Variants in GFPT1 observed in about 807,000 individuals in gnomAD.
GFPT1 encodes the protein glutamine--fructose-6-phosphate aminotransferase [isomerizing] 1.
A neutral mutation model predicts 92.0 loss-of-function variants in GFPT1; 40 were observed. The observed-to-expected ratio is 0.43, with a 90% CI of 0.34 to 0.57. The LOEUF is 0.57. GFPT1 is among the 20% of genes least tolerant of loss of function. GFPT1 has a pLI of 0.02. For missense variants in GFPT1, 448 were observed against 869.1 expected, an observed-to-expected ratio of 0.52 and a Z score of 6.09; for synonymous variants, 269 against 280.6, an observed-to-expected ratio of 0.96 and a Z score of 0.41.
chr2:69,365,294 A>G (rs548438601), intron 3 of GFPT1, among the ~76,000 whole-genome samples: 2 of 152,190 alleles, frequency 1.3e-5, no homozygotes, highest in South Asian at 4.1e-4. Context: ...CCTGGCCAAC[A>G]TGGTGAAACC....
chr2:69,370,982 A>G (rs960333736), intron 2 of GFPT1, among the ~76,000 whole-genome samples: 12 of 151,856 alleles, frequency 7.9e-5, no homozygotes, highest in Non-Finnish European at 1.5e-4. Context: ...CCTGGGCGAC[A>G]GAGTGAGATT....
At position 69,319,882 on chromosome 2, in the gene GFPT1, C is replaced by A. The variant is rs1318925490; in HGVS notation, c.*6307G>T. Reference sequence around the variant, plus strand: ...TCAAAACAATTCTACATACAAAGTACAATAGGAAAAAACCAAAAGCCCCCA... The same window carrying A: ...TCAAAACAATTCTACATACAAAGTAAAATAGGAAAAAACCAAAAGCCCCCA... On this transcript the variant is annotated 3_prime_UTR_variant, in exon 20 of 20. Transcript: ENST00000357308. 1 of 152,104 alleles carries A rather than the reference C, an allele frequency of 6.6e-6. No homozygotes were observed. Among genetic ancestry groups the A allele is most frequent in the Non-Finnish European group, 1.5e-5 (1 of 68,006 alleles). 9.4% of individuals were successfully genotyped at this position (152,104 alleles called of 1,614,324 possible).
chr2:69,353,529 G>A (rs1434299046), intron 9 of GFPT1, among the ~76,000 whole-genome samples: 1 of 151,938 alleles, frequency 6.6e-6, no homozygotes, highest in African/African-American at 2.4e-5. Flanking sequence ...GCAAAACCCT[G>A]GCTAAAAATA....
chr2:69,354,617 G>A (rs757404851), intron 7 of GFPT1, 49 bp from the exon 8 acceptor site: 3 of 1,053,594 alleles, frequency 2.8e-6, no homozygotes, highest in Non-Finnish European at 4.5e-6. Flanking sequence ...ATAAATAATG[G>A]ACTAATGACA....
chr2:69,328,565 G>T, intron 17 of GFPT1, 127 bp from the exon 18 acceptor site: 1 of 665,936 alleles, frequency 1.5e-6, no homozygotes, highest in Non-Finnish European at 2.7e-6. Context: ...AAGGACCACT[G>T]ATCTATAAAT....
rs199998548 is a variant in GFPT1, at chr2:69,341,125, AT to A, written c.1203+1026del. On this transcript the variant is annotated intron_variant, in intron 13 of 19. Coordinates refer to ENST00000357308, the MANE Select transcript of GFPT1 (RefSeq NM_001244710.2). ...AGGGAGTTGCCACCACACCCCGATAATTTTTTTTTTTTGGTAGAGACGGGGT... is the reference window on the plus strand; with the variant it reads ...AGGGAGTTGCCACCACACCCCGATAATTTTTTTTTTTGGTAGAGACGGGGT... Among the ~76,000 whole-genome samples, 177 of 144,946 alleles carry A rather than the reference AT, an allele frequency of 1.2e-3. 6 individuals carry two copies. The East Asian group carries it at 0.013, about 11-fold the overall frequency.
At chr2:69,336,354 A>AG (rs1307182624) in intron 15 of GFPT1, among the ~76,000 whole-genome samples, 1 of 147,654 alleles carries the variant, frequency 6.8e-6, no homozygotes, top group African/African-American at 2.5e-5. Context: ...AAAAAAAAAA[A>AG]AAGAAAAAGA....
intron 1 of GFPT1, among the ~76,000 whole-genome samples, chr2:69,380,974 T>C (rs1389181402): frequency 6.6e-6 from 1 of 152,136 alleles, no homozygotes; most frequent in Non-Finnish European, 1.5e-5. Flanking sequence ...TCTTACTTTA[T>C]AGAATTAAAG....
intron 7 of GFPT1, among the ~76,000 whole-genome samples, chr2:69,355,266 T>C (rs1169908950): frequency 1.3e-5 from 2 of 151,974 alleles, no homozygotes; most frequent in Middle Eastern, 3.2e-3. Flanking sequence ...TTTATAGAGA[T>C]GGGATTTTGT....
In GFPT1 at chr2:69,350,167, T is replaced by C; in HGVS notation, c.756A>G (p.Gly252=). Residue 252 remains glycine (G), a synonymous_variant, in exon 10 of 20, where the codon GGA becomes GGG. Coordinates refer to ENST00000357308, the MANE Select transcript of GFPT1 (RefSeq NM_001244710.2). ...TGTCCACACGAGAGAGATTGCAGCT[T>C]CCTTTCTTGTCTTTGCCTAAAGCAT... ...SQGERGKDKK[G]SCNLSRVDST... 4 of 1,612,998 alleles carry C rather than the reference T, an allele frequency of 2.5e-6. No homozygotes were observed. Among genetic ancestry groups the C allele is most frequent in the Non-Finnish European group, 3.4e-6 (4 of 1,179,006 alleles).
rs545831647 is a variant in GFPT1 at position 69,358,541 on chromosome 2, T to C, written c.409-78A>G. ...AAACCTTTTCTACAGAATTGTTCCG[T>C]CAAAATGCCACTAATTTCTAATATT... On this transcript the variant is annotated intron_variant, in intron 5 of 19. Transcript: ENST00000357308. 2.0e-5 allele frequency: 19 copies of C among 973,222 alleles called. No individual in the cohort carries two copies. The South Asian group carries it at 2.7e-4, about 14-fold the overall frequency. 60.3% of individuals were successfully genotyped at this position (973,222 alleles called of 1,614,324 possible).
At chr2:69,334,822 G>A (rs145524748) in intron 15 of GFPT1, 1 of 152,310 alleles carries the variant, frequency 6.6e-6, no homozygotes, top group East Asian at 1.9e-4. Flanking sequence ...TGAGTATGAG[G>A]CTGGAGGGTA....
In GFPT1 at chr2:69,350,170, T is replaced by C; in HGVS notation, c.753A>G (p.Lys251=). ...CCACACGAGAGAGATTGCAGCTTCC[T>C]TTCTTGTCTTTGCCTAAAGCATATA... The part of the protein sequence containing the change: ...GSQGERGKDK[K]GSCNLSRVDS... The change falls in exon 10 of 20, where the codon AAA becomes AAG. Residue 251 remains lysine, a synonymous_variant. Transcript: ENST00000357308. The C allele has an allele frequency of 6.2e-7, 1 of 1,612,656 alleles. No individual in the cohort carries two copies. The highest frequency in any genetic ancestry group is 8.5e-7 in the Non-Finnish European group (1 of 1,178,666).
At chr2:69,363,197 G>A (rs1558766002) in intron 4 of GFPT1, among the ~76,000 whole-genome samples, 1 of 152,168 alleles carries the variant, frequency 6.6e-6, no homozygotes. Flanking sequence ...TCTACCTCCT[G>A]GGCTTAAACG....
rs1285389033 is a variant in GFPT1, at chr2:69,325,204, T to C, written c.*985A>G. On this transcript the variant is annotated 3_prime_UTR_variant, in exon 20 of 20. Coordinates refer to ENST00000357308, the MANE Select transcript of GFPT1 (RefSeq NM_001244710.2). ...CTAAGGGACTAGTTTTATGCAACAA[T>C]GTAATGAAGGAAAGTTAAAATTAAC... 6.6e-6 allele frequency: 1 copy of C among 152,118 alleles called. No individual in the cohort carries two copies. Among genetic ancestry groups the C allele is most frequent in the Admixed American group, 6.5e-5 (1 of 15,276 alleles). The allele number at this position is 152,118 out of a possible 1,614,324, so 9.4% of individuals were successfully genotyped here.
intron 3 of GFPT1, among the ~76,000 whole-genome samples, chr2:69,365,194 C>T (rs1047981569): frequency 1.3e-5 from 2 of 151,912 alleles, no homozygotes; most frequent in East Asian, 3.9e-4. Context: ...TAAGAGCAAA[C>T]TGGCCGAGCA....
At chr2:69,368,231 T>C (rs1192645791) in intron 3 of GFPT1, among the ~76,000 whole-genome samples, 1 of 151,030 alleles carries the variant, frequency 6.6e-6, no homozygotes, top group African/African-American at 2.4e-5. Context: ...AAATACGAAA[T>C]AATTAGCCAG....
At chr2:69,330,137 A>G (rs1202415928) in intron 15 of GFPT1, among the ~76,000 whole-genome samples, 1 of 152,136 alleles carries the variant, frequency 6.6e-6, no homozygotes, top group African/African-American at 2.4e-5. Context: ...CCCGGGAGGC[A>G]GAGGTTGCAG....
At chr2:69,372,075 C>T (rs1354052207) in intron 2 of GFPT1, among the ~76,000 whole-genome samples, 1 of 150,616 alleles carries the variant, frequency 6.6e-6, no homozygotes, top group Non-Finnish European at 1.5e-5. Flanking sequence ...TGGCAGGCAC[C>T]TGTAATCCCA....
Sources: gnomAD v4.1 joint callset for allele counts (sites outside exome capture counted in the v4.1 genomes callset) on GRCh38, gnomAD v4.1.1 for gene constraint, MANE v1.5 for transcripts, NCBI Gene and HGNC (gene_info 2026-07-23, HGNC 2026-07-21) for gene names.